Variants in MCC observed in about 807,000 individuals in gnomAD.
MCC encodes colorectal mutant cancer protein.
A neutral mutation model predicts 116.2 loss-of-function variants in MCC; 90 were observed. The observed-to-expected ratio is 0.77, with a 90% CI of 0.65 to 0.92. The LOEUF is 0.92. Among genes scored for constraint, MCC ranks in the 40% least tolerant of loss-of-function variants. The pLI, the probability that MCC is intolerant of heterozygous loss-of-function variation, is 0.00. For synonymous variants in MCC, 578 were observed against 510.5 expected, an observed-to-expected ratio of 1.13 and a Z score of -1.78; for missense variants, 1,516 against 1,312.2, an observed-to-expected ratio of 1.16 and a Z score of -2.40.
At chr5:113,146,585 G>C (rs917600035) in intron 4 of MCC, among the ~76,000 whole-genome samples, 1 of 152,030 alleles carries the variant, frequency 6.6e-6, no homozygotes, top group African/African-American at 2.4e-5. Flanking sequence ...AGAGACACAA[G>C]GGGGTGTAAA....
chr5:113,276,020 C>A (rs371558031), intron 3 of MCC, among the ~76,000 whole-genome samples: 16 of 149,082 alleles, frequency 1.1e-4, no homozygotes, highest in African/African-American at 3.7e-4. Context: ...CCATCCCATA[C>A]CCATGGATGG....
intron 3 of MCC, among the ~76,000 whole-genome samples, chr5:113,300,767 A>G (rs1027113924): frequency 2.0e-5 from 3 of 152,112 alleles, no homozygotes; most frequent in Non-Finnish European, 4.4e-5. Flanking sequence ...CTGATCAATT[A>G]CCGGACCAGC....
At chr5:113,089,258 A>C (rs1755430535) in intron 8 of MCC, among the ~76,000 whole-genome samples, 1 of 152,228 alleles carries the variant, frequency 6.6e-6, no homozygotes, top group Non-Finnish European at 1.5e-5. Context: ...GCCTTCCTAG[A>C]GCAGGCAACG....
intron 3 of MCC, among the ~76,000 whole-genome samples, chr5:113,175,229 T>C (rs1761273906): frequency 6.6e-6 from 1 of 152,190 alleles, no homozygotes; most frequent in South Asian, 2.1e-4. Context: ...ATATTAACAA[T>C]GCAAATGTAA....
intron 3 of MCC, among the ~76,000 whole-genome samples, chr5:113,189,183 C>G (rs1260158945): frequency 6.6e-6 from 1 of 152,152 alleles, no homozygotes; most frequent in Non-Finnish European, 1.5e-5. Flanking sequence ...ACAGCGGCTG[C>G]CCTCACCTTG....
At chr5:113,174,005 C>G (rs1334628489) in intron 3 of MCC, among the ~76,000 whole-genome samples, 1 of 152,162 alleles carries the variant, frequency 6.6e-6, no homozygotes, top group African/African-American at 2.4e-5. Flanking sequence ...GAGGGTAACA[C>G]TGGGTAGATT....
chr5:113,145,787 CACACACACACACACACACAA>C (rs1561400084), intron 4 of MCC, among the ~76,000 whole-genome samples: 245 of 56,328 alleles, frequency 4.3e-3, no homozygotes, highest in African/African-American at 0.017. Flanking sequence ...CACACACAAA[CACACACACACACACACACAA>C]AAGACCCTGT....
chr5:113,309,536 G>A (rs1767086456), intron 3 of MCC, among the ~76,000 whole-genome samples: 1 of 152,290 alleles, frequency 6.6e-6, no homozygotes, highest in East Asian at 1.9e-4. Flanking sequence ...TGCAAAGACA[G>A]TATTTCATTG....
chr5:113,236,264 A>G (rs1414539091), intron 3 of MCC, among the ~76,000 whole-genome samples: 4 of 152,224 alleles, frequency 2.6e-5, no homozygotes, highest in Non-Finnish European at 5.9e-5. Flanking sequence ...TAGGTTTGAA[A>G]TAATATTGCT....
At chr5:113,209,706 C>T (rs1361624465) in intron 3 of MCC, among the ~76,000 whole-genome samples, 3 of 152,178 alleles carry the variant, frequency 2.0e-5, no homozygotes, top group African/African-American at 4.8e-5. Context: ...TAGACTGCAG[C>T]TCCTAGTGTC....
At chr5:113,151,044 A>T (rs1030414619) in intron 4 of MCC, among the ~76,000 whole-genome samples, 2 of 152,220 alleles carry the variant, frequency 1.3e-5, no homozygotes, top group African/African-American at 4.8e-5. Flanking sequence ...ACTCTGCCTC[A>T]AGAAAAACAA....
chr5:113,335,498 C>G (rs919774453), intron 3 of MCC, among the ~76,000 whole-genome samples: 13 of 151,710 alleles, frequency 8.6e-5, no homozygotes, highest in African/African-American at 3.2e-4. Flanking sequence ...AATGAAACTT[C>G]TGTTACGTTT....
intron 13 of MCC, among the ~76,000 whole-genome samples, chr5:113,065,107 T>C (rs556591521): frequency 1.3e-4 from 20 of 152,320 alleles, no homozygotes; most frequent in African/African-American, 4.6e-4. Context: ...TGTATGATAC[T>C]GTAACCGTGG....
At chr5:113,488,101 C>G in intron 1 of MCC, 144 bp downstream of exon 1, 1 of 824,538 alleles carries the variant, frequency 1.2e-6, no homozygotes, top group Non-Finnish European at 1.8e-6. Context: ...GAGCCGGCTA[C>G]GCGCTCTCGG....
intron 9 of MCC, among the ~76,000 whole-genome samples, chr5:113,084,835 C>T (rs1352623412): frequency 6.6e-6 from 1 of 152,172 alleles, no homozygotes; most frequent in Non-Finnish European, 1.5e-5. Flanking sequence ...TGGGCTGAAC[C>T]TTAGTCTTTG....
intron 1 of MCC, among the ~76,000 whole-genome samples, chr5:113,419,079 C>G (rs1045706967): frequency 6.6e-6 from 1 of 152,132 alleles, no homozygotes; most frequent in Non-Finnish European, 1.5e-5. Context: ...AGCAATGACA[C>G]TCCTAGGTAT....
intron 3 of MCC, among the ~76,000 whole-genome samples, chr5:113,333,828 T>TAC (rs71687516): frequency 0.064 from 775 of 12,160 alleles, 77 homozygotes; most frequent in Middle Eastern, 0.12. Context: ...TACATATATG[T>TAC]ATATATGTAT....
intron 3 of MCC, among the ~76,000 whole-genome samples, chr5:113,175,067 A>C (rs1002053913): frequency 3.3e-5 from 5 of 152,156 alleles, no homozygotes; most frequent in Admixed American, 1.3e-4. Context: ...ATTTAAGAGG[A>C]GAAGGGGCCT....
intron 2 of MCC, among the ~76,000 whole-genome samples, chr5:113,352,304 T>C (rs973219374): frequency 6.6e-6 from 1 of 152,180 alleles, no homozygotes; most frequent in Non-Finnish European, 1.5e-5. Context: ...AGCATGATGG[T>C]ACCTGATGGC....
Sources: gnomAD v4.1 joint callset for allele counts (sites outside exome capture counted in the v4.1 genomes callset) on GRCh38, gnomAD v4.1.1 for gene constraint, MANE v1.5 for transcripts, NCBI Gene and HGNC (gene_info 2026-07-23, HGNC 2026-07-21) for gene names.